The following POLE variants were observed in gnomAD, a reference collection of about 807,000 sequenced individuals.
POLE encodes the protein DNA polymerase epsilon catalytic subunit A.
POLE carries 188 observed loss-of-function variants against 279.2 expected under a neutral mutation model. The ratio of observed to expected loss-of-function variants is 0.67; its 90% CI spans 0.60 to 0.76. POLE has a LOEUF of 0.76. POLE is among the 30% of genes least tolerant of loss of function. POLE has a pLI of 0.00. For synonymous variants in POLE, 1,214 were observed against 1,172.5 expected (o/e 1.04, Z -0.72); for missense variants, 2,703 against 3,016.7 (o/e 0.90, Z 2.44).
At chr12:132,631,836 G>A (rs550173112) in intron 45 of POLE, among the ~76,000 whole-genome samples, 5 of 152,224 alleles carry the variant, frequency 3.3e-5, no homozygotes, top group East Asian at 1.9e-4. Context: ...GGGCCTTTGC[G>A]TCTTCCCTCC....
chr12:132,662,918 A>G (rs1164728157), intron 23 of POLE, among the ~76,000 whole-genome samples: 1 of 152,182 alleles, frequency 6.6e-6, no homozygotes, highest in African/African-American at 2.4e-5. Context: ...ACGAGAACAA[A>G]TGGAAGAGAA....
chr12:132,643,337 A>G lies in POLE; in HGVS notation c.4445-7T>C, dbSNP rs754001064. 20 of 1,613,960 alleles carry G rather than the reference A, an allele frequency of 1.2e-5. No individual in the cohort carries two copies. Among genetic ancestry groups the G allele is most frequent in the Non-Finnish European group, 1.6e-5 (19 of 1,180,026 alleles). On this transcript the variant is annotated splice_polypyrimidine_tract_variant and splice_region_variant and intron_variant, in intron 34 of 48. Transcript: ENST00000320574. ...TAGATATGGCGGATACTCCCTGGAGAAGGAAACAAGACCGTCACCCCAGAT... is the reference window on the plus strand; with the variant it reads ...TAGATATGGCGGATACTCCCTGGAGGAGGAAACAAGACCGTCACCCCAGAT...
chr12:132,636,257 G>A (rs1387297320), intron 41 of POLE, among the ~76,000 whole-genome samples: 3 of 151,974 alleles, frequency 2.0e-5, no homozygotes, highest in Non-Finnish European at 2.9e-5. Context: ...GTGCCTCCTC[G>A]TGCTGGGGAT....
chr12:132,632,769 T>C lies in POLE; in HGVS notation c.6031A>G (p.Met2011Val), dbSNP rs2041961135. 2 of 1,611,442 alleles carry C rather than the reference T, an allele frequency of 1.2e-6. No homozygotes were observed. The highest frequency in any genetic ancestry group is 2.2e-5 in the East Asian group (1 of 44,872). The change falls in exon 44 of 49, where the codon ATG becomes GTG. Residue 2011 changes from methionine (M) to valine (V), a missense_variant. Physicochemically the swap from Met to Val is conservative, Grantham distance 21 (BLOSUM62 1). This residue lies in a region of POLE where 1,551 missense variants were observed against 1,686.1 expected (regional missense o/e 0.92). Coordinates refer to ENST00000320574, the MANE Select transcript of POLE (RefSeq NM_006231.4). Reference protein sequence around the residue: ...SAYIVAVYHCMKDGLRRSAPG... With the variant: ...SAYIVAVYHCVKDGLRRSAPG... ...GCACTGCGCCTCAGCCCGTCCTTCA[T>C]GCAGTGGTACACGGCCACGATGTAC...
Position 132,628,312 on chromosome 12 carries a change from C to T in POLE, c.6331-1995G>A, listed in dbSNP as rs1425595277. 2.0e-5 allele frequency among the ~76,000 whole-genome samples: 3 copies of T among 151,804 alleles called. No individual in the cohort carries two copies. In the South Asian group the frequency reaches 6.2e-4, roughly 32 times the overall value. Reference sequence around the variant, plus strand: ...CCAAGATCGCGCCACTGCACTCCAGCCTGGGCGAGAGTGCGAGACTCCATC... The same window carrying T: ...CCAAGATCGCGCCACTGCACTCCAGTCTGGGCGAGAGTGCGAGACTCCATC... On this transcript the variant is annotated intron_variant, in intron 45 of 48. Transcript: ENST00000320574.
chr12:132,671,623 C>T (rs1323675625), intron 16 of POLE, among the ~76,000 whole-genome samples: 1 of 141,756 alleles, frequency 7.1e-6, no homozygotes, highest in Non-Finnish European at 1.5e-5. Context: ...GAGCCAAACT[C>T]ATGCCATTGC....
chr12:132,680,549 C>T, intron 3 of POLE, 58 bp downstream of exon 3: 2 of 1,344,374 alleles, frequency 1.5e-6, no homozygotes, highest in Non-Finnish European at 2.1e-6. Flanking sequence ...CTGACAGTCA[C>T]AGAGCTACAT....
Position 132,661,374 on chromosome 12 carries a change from G to A in POLE, c.2864+153C>T, listed in dbSNP as rs1421736155. Among the ~76,000 whole-genome samples the A allele has an allele frequency of 1.3e-5, 2 of 152,186 alleles. No individual in the cohort carries two copies. Among genetic ancestry groups the A allele is most frequent in the Admixed American group, 6.5e-5 (1 of 15,276 alleles). On this transcript the variant is annotated intron_variant, in intron 24 of 48. Coordinates refer to ENST00000320574, the MANE Select transcript of POLE (RefSeq NM_006231.4). This position sits in a 1 kb window ranked among gnomAD's most constrained non-coding sequence, Gnocchi z 4.1. ...GCCACAGAGCCAGAATACAGCAGGC[G>A]GGCAGACAGAGCTGGTGCAAACGGA...
In POLE at chr12:132,668,979, G is replaced by A. The variant is rs775218999; in HGVS notation, c.1795-40C>T. ...AAACTCAGTAGAGGCTGGTGACCAA[G>A]CTTGCCTCGTGTGCAGTTCACCAAC... is the stretch of plus-strand genomic sequence containing the variant. On this transcript the variant is annotated intron_variant, in intron 16 of 48. Transcript: ENST00000320574. The surrounding 1 kb of genome is among the most constrained non-coding windows in gnomAD (Gnocchi z 4.0). 1.3e-6 allele frequency: 2 copies of A among 1,598,078 alleles called. No individual in the cohort carries two copies. Among genetic ancestry groups the A allele is most frequent in the Non-Finnish European group, 1.7e-6 (2 of 1,168,536 alleles).
Position 132,676,115 on chromosome 12 carries a change from A to G in POLE, c.999T>C (p.Cys333=). The G allele has an allele frequency of 6.2e-7, 1 of 1,608,024 alleles. No individual in the cohort carries two copies. Among genetic ancestry groups the G allele is most frequent in the Non-Finnish European group, 8.5e-7 (1 of 1,176,688 alleles). ...TTACCTCATCGGGTTCATTGAAGAC[A>G]CAAAAGGGGCCTTCATATTCTGGCT... ...TPKPEYEGPF[C]VFNEPDEAHL... is the part of the protein sequence containing the mutation. The change falls in exon 10 of 49, where the codon TGT becomes TGC. Residue 333 remains cysteine (C), a synonymous_variant. Coordinates refer to ENST00000320574, the MANE Select transcript of POLE (RefSeq NM_006231.4).
At chr12:132,680,520 G>A in intron 3 of POLE, 87 bp downstream of exon 3, 3 of 1,059,406 alleles carry the variant, frequency 2.8e-6, no homozygotes, top group Non-Finnish European at 4.4e-6. Flanking sequence ...CTGTGCACTG[G>A]AAGCCTCCCA....
chr12:132,625,906 TCTGGCCTCCCACCTGCACTTGAGCC>T (rs1317551462), intron 46 of POLE, 136 bp from the exon 47 acceptor site: 60 of 1,274,904 alleles, frequency 4.7e-5, no homozygotes, highest in Non-Finnish European at 6.4e-5. Flanking sequence ...CTGCACGCAC[TCTGGCCTCCCACCTGCACTTGAGCC>T]CTTCCTAGGA....
Position 132,625,723 on chromosome 12 carries a change from G to C in POLE, c.6579C>G (p.Pro2193=). The change falls in exon 47 of 49, where the codon CCC becomes CCG. Residue 2193 remains proline (P), a synonymous_variant. Transcript: ENST00000320574. ...TCATCTCGATGGCAGAGGAGTCGTAGGGCGCCTGACAGTTGGAGCAGAGCC... is the reference window on the plus strand; with the variant it reads ...TCATCTCGATGGCAGAGGAGTCGTACGGCGCCTGACAGTTGGAGCAGAGCC... ...PQWLCSNCQA[P]YDSSAIEMTL... is the part of the protein sequence containing the mutation. The C allele has an allele frequency of 6.2e-7, 1 of 1,613,274 alleles. No homozygotes were observed. Among genetic ancestry groups the C allele is most frequent in the Non-Finnish European group, 8.5e-7 (1 of 1,180,010 alleles).
Position 132,657,429 on chromosome 12 carries a change from T to A in POLE, c.3379A>T (p.Ile1127Phe). Residue 1127 changes from isoleucine to phenylalanine, a missense_variant and splice_region_variant, in exon 28 of 49, where the codon ATT (isoleucine) becomes TTT (phenylalanine). By Grantham distance (21) the Ile-to-Phe change is conservative (BLOSUM62 0). Transcript: ENST00000320574. ...TCAATGTAGTAGTCCCAATCCAGAA[T>A]CTGCATGTGCAGGAAACGGGCACAG... ...SSLQDFDIRAILDWDYYIERL... is the reference protein window; with the variant it reads ...SSLQDFDIRAFLDWDYYIERL... 6.2e-7 allele frequency: 1 copy of A among 1,614,022 alleles called. No individual in the cohort carries two copies.
chr12:132,679,084 C>G (rs1000589630), intron 6 of POLE, among the ~76,000 whole-genome samples: 1 of 152,202 alleles, frequency 6.6e-6, no homozygotes, highest in African/African-American at 2.4e-5. Flanking sequence ...TGCTCAAATA[C>G]TTGAAGAACA....
intron 15 of POLE, 111 bp downstream of exon 15, chr12:132,672,516 G>C (rs1198143150): frequency 8.1e-7 from 1 of 1,231,972 alleles, no homozygotes; most frequent in Non-Finnish European, 1.2e-6. Flanking sequence ...CACCCGGTGA[G>C]GGGCCGTGGG....
intron 1 of POLE, among the ~76,000 whole-genome samples, chr12:132,686,945 G>A (rs2043287450): frequency 1.5e-5 from 2 of 135,812 alleles, no homozygotes; most frequent in African/African-American, 5.4e-5. Flanking sequence ...CATCGCCCCC[G>A]CCGCGCGGCA....
intron 3 of POLE, 103 bp downstream of exon 3, chr12:132,680,504 G>T: frequency 1.1e-6 from 1 of 896,882 alleles, no homozygotes; most frequent in Non-Finnish European, 1.8e-6. Flanking sequence ...GCTGGGCTAT[G>T]GGCTGCTGTG....
rs767254003 is a variant in POLE at position 132,661,628 on chromosome 12, G to A, written c.2763C>T (p.Tyr921=). ...AGATGCTGTTCTCTGAGCGGGTGACGTAGGTGAGTGAGGACGGCTCAGCCA... is the reference window on the plus strand; with the variant it reads ...AGATGCTGTTCTCTGAGCGGGTGACATAGGTGAGTGAGGACGGCTCAGCCA... ...QELAEPSSLT[Y]VTRSENSIFF... The change falls in exon 24 of 49, where the codon TAC becomes TAT. Residue 921 remains tyrosine (Y), a synonymous_variant. Transcript: ENST00000320574. This position sits in a 1 kb window ranked among gnomAD's most constrained non-coding sequence, Gnocchi z 4.1. The A allele has an allele frequency of 4.4e-5, 71 of 1,614,070 alleles. 2 individuals carry two copies. In the South Asian group the frequency reaches 4.7e-4, roughly 11 times the overall value.
Sources: gnomAD v4.1 joint callset for allele counts (sites outside exome capture counted in the v4.1 genomes callset) on GRCh38, gnomAD v4.1.1 for gene constraint, gnomAD v4.1.1 regional missense constraint, Gnocchi (gnomAD v3.1) non-coding constraint, MANE v1.5 for transcripts, NCBI Gene and HGNC (gene_info 2026-07-23, HGNC 2026-07-21) for gene names.